TECPR2: variants seen among roughly 807,000 people sequenced by gnomAD.
The protein encoded by TECPR2 is tectonin beta-propeller repeat-containing protein 2.
TECPR2 carries 65 observed loss-of-function variants against 138.1 expected under a neutral mutation model. That is an observed-to-expected ratio of 0.47 (90% CI 0.39 to 0.58). TECPR2 has a LOEUF of 0.58. Ranked by LOEUF, TECPR2 falls within the 20% of genes least tolerant of loss-of-function variation. The pLI, the probability that TECPR2 is intolerant of heterozygous loss-of-function variation, is 0.00. For synonymous variants in TECPR2, 746 were observed against 749.8 expected (o/e 0.99, Z 0.08); for missense variants, 1,553 against 1,824.5 (o/e 0.85, Z 2.71).
intron 16 of TECPR2, among the ~76,000 whole-genome samples, chr14:102,458,837 C>T (rs953216304): frequency 1.2e-4 from 18 of 151,820 alleles, no homozygotes; most frequent in Admixed American, 9.2e-4. Flanking sequence ...GAGCCAAGCA[C>T]GGTGGCGCAC....
chr14:102,403,469 G>A (rs1198410523), intron 2 of TECPR2, among the ~76,000 whole-genome samples: 1 of 152,168 alleles, frequency 6.6e-6, no homozygotes, highest in Non-Finnish European at 1.5e-5. Flanking sequence ...CAGAAACAAG[G>A]CAAAATGCCT....
In TECPR2 at chr14:102,438,055, G is replaced by C; in HGVS notation, c.2428G>C (p.Gly810Arg). 1 of 1,614,106 alleles carries C rather than the reference G, an allele frequency of 6.2e-7. No homozygotes were observed. The highest frequency in any genetic ancestry group is 8.5e-7 in the Non-Finnish European group (1 of 1,179,996). The change falls in exon 10 of 20, where the codon GGC becomes CGC. Residue 810 changes from glycine to arginine, a missense_variant. Gly to Arg is a moderately radical substitution (Grantham distance 125). Transcript: ENST00000359520. ...AESWMGYSGP[G>R]YGILSLVVSE... The stretch of plus-strand genomic sequence containing the variant: ...AAGCTGGATGGGCTACTCGGGTCCC[G>C]GCTATGGCATCCTCAGCTTGGTGGT...
chr14:102,471,939 G>A, intron 17 of TECPR2, among the ~76,000 whole-genome samples: 1 of 152,144 alleles, frequency 6.6e-6, no homozygotes, highest in South Asian at 2.1e-4. Context: ...TAGCTCCAAG[G>A]AATATTTGTC....
At chr14:102,457,630 T>TA (rs1356833239) in intron 16 of TECPR2, among the ~76,000 whole-genome samples, 1 of 152,060 alleles carries the variant, frequency 6.6e-6, no homozygotes, top group African/African-American at 2.4e-5. Flanking sequence ...TGCAGTGGCT[T>TA]ACACCTGTAA....
rs907019492 is a variant in TECPR2 at position 102,415,125 on chromosome 14, G to A, written c.638+332G>A. On this transcript the variant is annotated intron_variant, in intron 5 of 19. Coordinates refer to ENST00000359520, the MANE Select transcript of TECPR2 (RefSeq NM_014844.5). The surrounding 1 kb of genome is among the most constrained non-coding windows in gnomAD (Gnocchi z 4.3). The stretch of plus-strand genomic sequence containing the variant: ...GGAGCCACCTCCTCCACACAGCCCT[G>A]GTGAGGGGTCAGGGTTGTGGGGCTC... Among the ~76,000 whole-genome samples, 4 of 152,230 alleles carry A rather than the reference G, an allele frequency of 2.6e-5. No homozygotes were observed. Among genetic ancestry groups the A allele is most frequent in the Non-Finnish European group, 5.9e-5 (4 of 68,050 alleles).
chr14:102,466,387 T>C (rs909105155), intron 17 of TECPR2, among the ~76,000 whole-genome samples: 1 of 152,144 alleles, frequency 6.6e-6, no homozygotes, highest in African/African-American at 2.4e-5. Flanking sequence ...AGGTTGTACA[T>C]AATGAATTAT....
At chr14:102,393,933 C>G (rs1466791955) in intron 2 of TECPR2, among the ~76,000 whole-genome samples, 1 of 152,132 alleles carries the variant, frequency 6.6e-6, no homozygotes, top group Non-Finnish European at 1.5e-5. Context: ...TATGACATGG[C>G]AAAATCTCTA....
At chr14:102,386,146 A>G (rs1887995374) in intron 2 of TECPR2, among the ~76,000 whole-genome samples, 1 of 152,000 alleles carries the variant, frequency 6.6e-6, no homozygotes, top group African/African-American at 2.4e-5. Context: ...TCAAACTTAT[A>G]ATTGTGGAGA....
chr14:102,398,072 C>CAAAAAAA (rs560266373), intron 2 of TECPR2, among the ~76,000 whole-genome samples: 51 of 42,072 alleles, frequency 1.2e-3, no homozygotes, highest in East Asian at 2.5e-3. Context: ...GATTCTGTCT[C>CAAAAAAA]AAAAAAAAAA....
chr14:102,376,690 C>T lies in TECPR2; in HGVS notation c.-32C>T, dbSNP rs1179530649. ...AGATGACAAATAAACATTCCTTTTC[C>T]TGCGTGAAGATAGTCTGTGGAAACC... On this transcript the variant is annotated 5_prime_UTR_variant, in exon 2 of 20. Transcript: ENST00000359520. 5 of 1,598,540 alleles carry T rather than the reference C, an allele frequency of 3.1e-6. No individual in the cohort carries two copies. Among genetic ancestry groups the T allele is most frequent in the East Asian group, 2.2e-5 (1 of 44,802 alleles).
At position 102,501,358 on chromosome 14, in the gene TECPR2, A is replaced by G. The variant is rs1040058216; in HGVS notation, c.*3101A>G. ...ATAGGACAAGCTACAGAGGAAAATAAGTACATAGATTTGATTTCTCCAAAA... is the reference window on the plus strand; with the variant it reads ...ATAGGACAAGCTACAGAGGAAAATAGGTACATAGATTTGATTTCTCCAAAA... On this transcript the variant is annotated 3_prime_UTR_variant, in exon 20 of 20. Transcript: ENST00000359520. 9 of 152,190 alleles carry G rather than the reference A, an allele frequency of 5.9e-5. No homozygotes were observed. Among genetic ancestry groups the G allele is most frequent in the African/African-American group, 2.2e-4 (9 of 41,418 alleles). 9.4% of individuals were successfully genotyped at this position (152,190 alleles called of 1,614,324 possible).
intron 4 of TECPR2, 91 bp from the exon 5 acceptor site, chr14:102,414,545 C>G: frequency 6.6e-7 from 1 of 1,513,452 alleles, no homozygotes; most frequent in South Asian, 1.3e-5. Context: ...GACCTAAGCA[C>G]AGCTAGCGGG....
intron 2 of TECPR2, among the ~76,000 whole-genome samples, chr14:102,402,907 T>C (rs1222438239): frequency 6.6e-6 from 1 of 152,128 alleles, no homozygotes; most frequent in Non-Finnish European, 1.5e-5. Context: ...AAATATCTCC[T>C]TGTAAAGAAA....
rs199611656 is a variant in TECPR2, at chr14:102,498,279, C to T, written c.*22C>T. On this transcript the variant is annotated 3_prime_UTR_variant, in exon 20 of 20. Transcript: ENST00000359520. ...CTGAAGGAGCCCTGGCCGAGTCACGCGGAGGGGCCCGGCGTCTGTGGCGGG... is the reference window on the plus strand; with the variant it reads ...CTGAAGGAGCCCTGGCCGAGTCACGTGGAGGGGCCCGGCGTCTGTGGCGGG... 62 of 1,590,248 alleles carry T rather than the reference C, an allele frequency of 3.9e-5. 1 individual carries two copies. In the African/African-American group the frequency reaches 5.3e-4, roughly 14 times the overall value.
chr14:102,375,161 A>C (rs1182755161), intron 1 of TECPR2, among the ~76,000 whole-genome samples: 3 of 152,082 alleles, frequency 2.0e-5, no homozygotes. Flanking sequence ...CCTGGGCAAC[A>C]CAGCGAGACC....
At chr14:102,382,764 T>A (rs896560708) in intron 2 of TECPR2, among the ~76,000 whole-genome samples, 10 of 148,292 alleles carry the variant, frequency 6.7e-5, no homozygotes, top group African/African-American at 2.5e-4. Flanking sequence ...TTTGCAAATC[T>A]TTTTTTTTTT....
chr14:102,412,363 G>A (rs1888902463), intron 4 of TECPR2, among the ~76,000 whole-genome samples: 1 of 152,006 alleles, frequency 6.6e-6, no homozygotes, highest in African/African-American at 2.4e-5. Context: ...GAACATCTGG[G>A]CTCAAGCAAT....
intron 4 of TECPR2, among the ~76,000 whole-genome samples, chr14:102,410,956 G>A (rs951103862): frequency 1.8e-4 from 27 of 152,294 alleles, no homozygotes; most frequent in African/African-American, 5.5e-4. Context: ...ATCCTGAGTC[G>A]TCCCAATTCT....
At chr14:102,371,106 G>A (rs964798891) in intron 1 of TECPR2, among the ~76,000 whole-genome samples, 18 of 152,278 alleles carry the variant, frequency 1.2e-4, no homozygotes, top group African/African-American at 3.1e-4. Flanking sequence ...GGAGCATTGG[G>A]ATTTGAACTT....
Sources: gnomAD v4.1 joint callset for allele counts (sites outside exome capture counted in the v4.1 genomes callset) on GRCh38, gnomAD v4.1.1 for gene constraint, Gnocchi (gnomAD v3.1) non-coding constraint, MANE v1.5 for transcripts, NCBI Gene and HGNC (gene_info 2026-07-23, HGNC 2026-07-21) for gene names.